NFATC2: variants seen among roughly 807,000 people sequenced by gnomAD.
NFATC2 encodes the protein nuclear factor of activated T cells 2.
A neutral mutation model predicts 87.3 loss-of-function variants in NFATC2; 22 were observed. The ratio of observed to expected loss-of-function variants is 0.25; its 90% confidence interval spans 0.18 to 0.36. The LOEUF (loss-of-function observed/expected upper bound fraction) is 0.36. Among genes scored for constraint, NFATC2 ranks in the 10% least tolerant of loss-of-function variants. NFATC2 has a pLI of 1.00. For synonymous variants in NFATC2, 565 were observed against 542.2 expected, an observed-to-expected ratio of 1.04 and a Z score of -0.58; for missense variants, 1,149 against 1,259.1, an observed-to-expected ratio of 0.91 and a Z score of 1.32.
At chr20:51,403,531 C>T (rs1988265639) in intron 9 of NFATC2, among the ~76,000 whole-genome samples, 2 of 152,334 alleles carry the variant, frequency 1.3e-5, no homozygotes, top group South Asian at 4.1e-4. Flanking sequence ...CCCCACCACA[C>T]CAGCCAAATT....
At chr20:51,463,354 A>T (rs943176187) in intron 5 of NFATC2, among the ~76,000 whole-genome samples, 6 of 152,208 alleles carry the variant, frequency 3.9e-5, no homozygotes, top group African/African-American at 1.2e-4. Flanking sequence ...TGAGTGACAA[A>T]GTTGTAGCTG....
At chr20:51,506,454 C>T (rs2076181473) in intron 3 of NFATC2, among the ~76,000 whole-genome samples, 1 of 152,188 alleles carries the variant, frequency 6.6e-6, no homozygotes, top group Non-Finnish European at 1.5e-5. Flanking sequence ...CCAGAGGAAA[C>T]AGAGCCCCGT....
At chr20:51,537,919 A>G (rs1256153028) in intron 1 of NFATC2, among the ~76,000 whole-genome samples, 1 of 152,242 alleles carries the variant, frequency 6.6e-6, no homozygotes, top group East Asian at 1.9e-4. Context: ...TTTCCCAGAA[A>G]GATAGAGTTT....
intron 9 of NFATC2, among the ~76,000 whole-genome samples, chr20:51,426,994 C>T (rs1021008479): frequency 2.6e-5 from 4 of 152,162 alleles, no homozygotes; most frequent in African/African-American, 7.2e-5. Context: ...CTCTCTCTCA[C>T]ACACACAAGC....
intron 3 of NFATC2, among the ~76,000 whole-genome samples, chr20:51,503,671 G>A (rs887044673): frequency 6.6e-6 from 1 of 152,234 alleles, no homozygotes; most frequent in Non-Finnish European, 1.5e-5. Context: ...CCACAGCGAG[G>A]CTGCACCTGC....
chr20:51,393,029 GTAACAGTGCCCA>G (rs1986549976), intron 10 of NFATC2, among the ~76,000 whole-genome samples: 1 of 152,198 alleles, frequency 6.6e-6, no homozygotes, highest in Non-Finnish European at 1.5e-5. Flanking sequence ...ATTCACATAG[GTAACAGTGCCCA>G]GCACAGTGCC....
At chr20:51,559,936 A>G (rs905101623) in intron 1 of NFATC2, among the ~76,000 whole-genome samples, 1 of 152,188 alleles carries the variant, frequency 6.6e-6, no homozygotes, top group African/African-American at 2.4e-5. Context: ...CTTTTTGCAA[A>G]TGAGAAAATT....
chr20:51,489,184 T>C (rs1250358991), intron 3 of NFATC2, among the ~76,000 whole-genome samples: 4 of 151,844 alleles, frequency 2.6e-5, no homozygotes, highest in African/African-American at 4.8e-5. Context: ...AGTGAGACTG[T>C]CTCAAAAAAA....
intron 9 of NFATC2, among the ~76,000 whole-genome samples, chr20:51,415,046 T>A (rs1241621188): frequency 8.0e-5 from 12 of 150,934 alleles, no homozygotes. Flanking sequence ...GCTCAGGAGT[T>A]TTGAGACCAG....
chr20:51,428,596 C>T lies in NFATC2; in HGVS notation c.2722+3471G>A, dbSNP rs573882331. On this transcript the variant is annotated intron_variant, in intron 9 of 10. Coordinates refer to ENST00000371564, the MANE Select transcript of NFATC2 (RefSeq NM_012340.5). ...GGGAGCGGGGTGGAATGCCCAGACG[C>T]GACGCTGGGATCACTGGCCAAGGTG... 2.0e-5 allele frequency among the ~76,000 whole-genome samples: 3 copies of T among 152,274 alleles called. No homozygotes were observed. In the East Asian group the frequency reaches 5.8e-4, roughly 29 times the overall value.
chr20:51,422,527 G>A (rs1367134435), intron 9 of NFATC2, among the ~76,000 whole-genome samples: 1 of 150,118 alleles, frequency 6.7e-6, no homozygotes, highest in Non-Finnish European at 1.5e-5. Flanking sequence ...GCAGAGAAGA[G>A]CCAAATAAAT....
rs1304856546 is a variant in NFATC2 at position 51,523,656 on chromosome 20, G to C, written c.585C>G (p.Asn195Lys). ...GCGGACACAGGTCGTCGGGCCCGCC[G>C]TTATTGGGCGAGACGCAGGGCGAGG... The part of the protein sequence containing the change: ...PYTSPCVSPN[N>K]GGPDDLCPQF... Residue 195 changes from asparagine to lysine, a missense_variant, in exon 2 of 11, where the codon AAC becomes AAG. Physicochemically the swap from Asn to Lys is moderately conservative, Grantham distance 94. Coordinates refer to ENST00000371564, the MANE Select transcript of NFATC2 (RefSeq NM_012340.5). This position sits in a 1 kb window ranked among gnomAD's most constrained non-coding sequence, Gnocchi z 6.9. 6.2e-7 allele frequency: 1 copy of C among 1,613,902 alleles called. No individual in the cohort carries two copies. The highest frequency in any genetic ancestry group is 1.1e-5 in the South Asian group (1 of 91,074).
chr20:51,528,465 TAC>T (rs1158753933), intron 1 of NFATC2, among the ~76,000 whole-genome samples: 3 of 152,054 alleles, frequency 2.0e-5, no homozygotes, highest in Admixed American at 6.6e-5. Context: ...TGCACATATA[TAC>T]ACAGATGTAC....
At chr20:51,475,356 T>C in intron 4 of NFATC2, 102 bp downstream of exon 4, 1 of 1,081,840 alleles carries the variant, frequency 9.2e-7, no homozygotes, top group South Asian at 1.3e-5. Context: ...CATCAACAGC[T>C]GCTTCCATCA....
intron 4 of NFATC2, among the ~76,000 whole-genome samples, chr20:51,474,638 AG>A (rs1988538131): frequency 6.6e-6 from 1 of 152,242 alleles, no homozygotes; most frequent in African/African-American, 2.4e-5. Context: ...GCTGGAGCAC[AG>A]GTGAAGCATG....
chr20:51,477,551 ATATATATATATATATATATATATATATAT>A (rs1988833501), intron 3 of NFATC2, among the ~76,000 whole-genome samples: 1 of 112,260 alleles, frequency 8.9e-6, no homozygotes, highest in East Asian at 2.4e-4. Flanking sequence ...ATATATATAT[ATATATATATATATATATATATATATATAT>A]AAAATAACAA....
intron 3 of NFATC2, among the ~76,000 whole-genome samples, chr20:51,492,255 A>G (rs963410047): frequency 6.7e-6 from 1 of 148,606 alleles, no homozygotes; most frequent in Middle Eastern, 3.4e-3. Context: ...CACAGCCTCC[A>G]CCCGCTGGCA....
At chr20:51,464,794 T>G (rs1051902537) in intron 5 of NFATC2, among the ~76,000 whole-genome samples, 1 of 152,236 alleles carries the variant, frequency 6.6e-6, no homozygotes, top group Non-Finnish European at 1.5e-5. Flanking sequence ...TCACTCAATA[T>G]GTAGTTAAGG....
intron 6 of NFATC2, among the ~76,000 whole-genome samples, chr20:51,453,572 A>C (rs1233733970): frequency 2.0e-5 from 3 of 152,242 alleles, no homozygotes; most frequent in Non-Finnish European, 4.4e-5. Flanking sequence ...TTGTTTCATT[A>C]ATTATTGCTT....
Sources: gnomAD v4.1 joint callset for allele counts (sites outside exome capture counted in the v4.1 genomes callset) on GRCh38, gnomAD v4.1.1 for gene constraint, Gnocchi (gnomAD v3.1) non-coding constraint, MANE v1.5 for transcripts, NCBI Gene and HGNC (gene_info 2026-07-23, HGNC 2026-07-21) for gene names.